The following WWP1 variants were observed in gnomAD, a reference collection of about 807,000 sequenced individuals.
The protein encoded by WWP1 is WW domain containing E3 ubiquitin protein ligase 1.
In WWP1, 49 loss-of-function variants were observed where a neutral mutation model predicts 130.6. The observed-to-expected ratio is 0.38, with a 90% CI of 0.30 to 0.48. WWP1 has a LOEUF of 0.48. WWP1 is among the 20% of genes least tolerant of loss of function. WWP1 has a pLI of 0.99. For missense variants in WWP1, 809 were observed against 1,100.6 expected (o/e 0.74, Z 3.75); for synonymous variants, 332 against 367.8 (o/e 0.90, Z 1.11).
chr8:86,457,737 C>T (rs188284083), intron 21 of WWP1, among the ~76,000 whole-genome samples, 184 bp from the exon 22 acceptor site: 57 of 152,166 alleles, frequency 3.7e-4, no homozygotes, highest in Admixed American at 2.4e-3. Context: ...AATAAAGTAC[C>T]AGAGAATCCT....
At chr8:86,435,308 C>A (rs1810228958) in intron 14 of WWP1, 144 bp from the exon 15 acceptor site, 1 of 755,434 alleles carries the variant, frequency 1.3e-6, no homozygotes, top group Non-Finnish European at 2.2e-6. Context: ...CTTCTTTTGG[C>A]CCACCATGTA....
chr8:86,354,036 C>T (rs1340106573), intron 1 of WWP1, among the ~76,000 whole-genome samples: 2 of 152,170 alleles, frequency 1.3e-5, no homozygotes, highest in East Asian at 1.9e-4. Flanking sequence ...CTATTTAGAG[C>T]TCGGGCCTTA....
intron 9 of WWP1, among the ~76,000 whole-genome samples, chr8:86,424,141 C>T (rs562698352): frequency 1.3e-5 from 2 of 149,660 alleles, no homozygotes; most frequent in South Asian, 4.2e-4. Flanking sequence ...GGCGGCCGGG[C>T]AGAGACACTC....
Position 86,431,407 on chromosome 8 carries a change from A to G in WWP1, c.1389A>G (p.Glu463=). 6.3e-7 allele frequency: 1 copy of G among 1,588,350 alleles called. No homozygotes were observed. Among genetic ancestry groups the G allele is most frequent in the Non-Finnish European group, 8.6e-7 (1 of 1,166,396 alleles). Residue 463 remains glutamate, a splice_region_variant and synonymous_variant, in exon 13 of 25, where the codon GAA becomes GAG. Transcript: ENST00000517970. ...TATTATACTCACTTTATATTTCAGA[A>G]AAAAGAGTGGATTCAACAGACAGGG... ...DPYGPLPPGW[E]KRVDSTDRVY...
At position 86,467,048 on chromosome 8, in the gene WWP1, G is replaced by T; in HGVS notation, c.*155G>T. The stretch of plus-strand genomic sequence containing the variant: ...TTCTTCCACAGAAATATGCAAAACA[G>T]TTCATCCTTTTCTACTTTATTTATT... On this transcript the variant is annotated 3_prime_UTR_variant, in exon 25 of 25. Coordinates refer to ENST00000517970, the MANE Select transcript of WWP1 (RefSeq NM_007013.4). 1.7e-6 allele frequency: 1 copy of T among 583,080 alleles called. No homozygotes were observed. The highest frequency in any genetic ancestry group is 3.0e-6 in the Non-Finnish European group (1 of 332,880). 36.1% of individuals were successfully genotyped at this position (583,080 alleles called of 1,614,324 possible).
intron 20 of WWP1, among the ~76,000 whole-genome samples, chr8:86,451,820 C>T (rs1224033274): frequency 1.3e-5 from 2 of 152,172 alleles, no homozygotes; most frequent in East Asian, 1.9e-4. Flanking sequence ...TTTGGAATCT[C>T]CTTTTACAGA....
intron 5 of WWP1, among the ~76,000 whole-genome samples, chr8:86,396,448 C>G (rs1006548001): frequency 6.6e-6 from 1 of 151,446 alleles, no homozygotes; most frequent in African/African-American, 2.4e-5. Flanking sequence ...TTTAGTTTTT[C>G]TAGTTGTTTG....
intron 1 of WWP1, among the ~76,000 whole-genome samples, chr8:86,368,488 C>G (rs1824100351): frequency 6.6e-6 from 1 of 152,058 alleles, no homozygotes; most frequent in Non-Finnish European, 1.5e-5. Flanking sequence ...TTCATGGTGC[C>G]AATGCTCTAG....
intron 5 of WWP1, among the ~76,000 whole-genome samples, chr8:86,391,279 T>C (rs980261916): frequency 2.6e-5 from 4 of 152,228 alleles, no homozygotes; most frequent in African/African-American, 9.6e-5. Context: ...TTTAATCCTC[T>C]AATACATTGT....
intron 22 of WWP1, among the ~76,000 whole-genome samples, chr8:86,458,980 A>G (rs565071557): frequency 1.3e-5 from 2 of 149,410 alleles, no homozygotes; most frequent in Admixed American, 6.7e-5. Context: ...TCCGTTCTTT[A>G]TAAGTCTATA....
intron 21 of WWP1, among the ~76,000 whole-genome samples, chr8:86,456,806 G>T (rs1359312498): frequency 6.6e-6 from 1 of 151,924 alleles, no homozygotes; most frequent in African/African-American, 2.4e-5. Context: ...CAGCATGGAT[G>T]AATCTCAAAA....
intron 22 of WWP1, among the ~76,000 whole-genome samples, chr8:86,459,757 G>C (rs561424539): frequency 6.6e-6 from 1 of 152,004 alleles, no homozygotes; most frequent in Non-Finnish European, 1.5e-5. Context: ...CATTACAGTC[G>C]GTGTTCCATG....
At chr8:86,447,120 G>A (rs7018101) in intron 18 of WWP1, among the ~76,000 whole-genome samples, 8,241 of 152,216 alleles carry the variant, frequency 0.054, 379 homozygotes, top group African/African-American at 0.12. Flanking sequence ...TACAACTGTC[G>A]GTCATAGAGC....
intron 20 of WWP1, among the ~76,000 whole-genome samples, chr8:86,450,086 T>G (rs968977434): frequency 4.6e-5 from 7 of 152,218 alleles, no homozygotes; most frequent in Admixed American, 4.6e-4. Context: ...TAGATACTGC[T>G]ATGTGGCTTT....
intron 16 of WWP1, among the ~76,000 whole-genome samples, chr8:86,438,096 G>T (rs569213849): frequency 6.6e-6 from 1 of 152,000 alleles, no homozygotes; most frequent in Non-Finnish European, 1.5e-5. Context: ...CACCACACCC[G>T]GCCTGTATAC....
intron 18 of WWP1, among the ~76,000 whole-genome samples, chr8:86,444,520 G>A (rs1040139156): frequency 7.9e-5 from 12 of 152,208 alleles, no homozygotes; most frequent in African/African-American, 2.9e-4. Context: ...TATAGTCAGG[G>A]AGATAAGTAA....
At chr8:86,461,061 G>A (rs780327733) in intron 22 of WWP1, among the ~76,000 whole-genome samples, 163 bp from the exon 23 acceptor site, 12 of 151,712 alleles carry the variant, frequency 7.9e-5, no homozygotes, top group Non-Finnish European at 1.3e-4. Context: ...CGCCTGCTTC[G>A]GCCTCCCAAA....
intron 1 of WWP1, among the ~76,000 whole-genome samples, chr8:86,367,054 A>T (rs1824015451): frequency 6.6e-6 from 1 of 152,190 alleles, no homozygotes; most frequent in Non-Finnish European, 1.5e-5. Flanking sequence ...GGTGCTTGAT[A>T]AAATAGCTTT....
intron 3 of WWP1, among the ~76,000 whole-genome samples, chr8:86,375,689 G>A (rs138041655): frequency 1.1e-3 from 165 of 152,186 alleles, no homozygotes; most frequent in Non-Finnish European, 1.1e-3. Context: ...GGACATTGGC[G>A]TTCCACTGTT....
Sources: gnomAD v4.1 joint callset for allele counts (sites outside exome capture counted in the v4.1 genomes callset) on GRCh38, gnomAD v4.1.1 for gene constraint, MANE v1.5 for transcripts, NCBI Gene and HGNC (gene_info 2026-07-23, HGNC 2026-07-21) for gene names.